ADGRL3: variants seen among roughly 807,000 people sequenced by gnomAD.
ADGRL3 encodes adhesion G protein-coupled receptor L3.
In ADGRL3, 62 loss-of-function variants were observed where a neutral mutation model predicts 153.5. The ratio of observed to expected loss-of-function variants is 0.40; its 90% CI spans 0.33 to 0.50. ADGRL3 has a LOEUF of 0.50. Among genes scored for constraint, ADGRL3 ranks in the 20% least tolerant of loss-of-function variants. The pLI is 0.47. For missense variants in ADGRL3, 1,641 were observed against 1,859.4 expected (o/e 0.88, Z 2.16); for synonymous variants, 710 against 672.5 (o/e 1.06, Z -0.86).
At chr4:61,586,199 GC>G (rs2098945969) in intron 4 of ADGRL3, among the ~76,000 whole-genome samples, 1 of 151,832 alleles carries the variant, frequency 6.6e-6, no homozygotes, top group East Asian at 1.9e-4. Context: ...GAAATGTATT[GC>G]CCTCTTGACT....
chr4:61,588,156 A>G lies in ADGRL3; in HGVS notation c.473+716A>G, dbSNP rs553229644. Among the ~76,000 whole-genome samples, 138 of 151,900 alleles carry G rather than the reference A, an allele frequency of 9.1e-4. 1 individual carries two copies. The highest frequency in any genetic ancestry group is 3.1e-3 in the African/African-American group (128 of 41,554). On this transcript the variant is annotated intron_variant, in intron 5 of 26. Transcript: ENST00000683033. ...TTATATATCTCTTAGATATTTGTTC[A>G]CTATTACTATGCTTTCTCAGAAATC...
intron 8 of ADGRL3, among the ~76,000 whole-genome samples, chr4:61,793,289 C>T (rs538540994): frequency 2.6e-4 from 39 of 152,072 alleles, no homozygotes; most frequent in Non-Finnish European, 4.7e-4. Flanking sequence ...CCAGTTGTGG[C>T]GGCGGGCGCC....
intron 17 of ADGRL3, among the ~76,000 whole-genome samples, chr4:61,965,886 TCTC>T (rs2099004772): frequency 6.6e-6 from 1 of 152,196 alleles, no homozygotes; most frequent in Non-Finnish European, 1.5e-5. Flanking sequence ...AATTTAAAGA[TCTC>T]CTATAGTTAG....
intron 4 of ADGRL3, among the ~76,000 whole-genome samples, chr4:61,543,079 G>A (rs1231588872): frequency 6.6e-6 from 1 of 151,970 alleles, no homozygotes; most frequent in East Asian, 1.9e-4. Context: ...AACTTGTTCA[G>A]TATTTGTTTT....
At chr4:61,986,748 A>T (rs1279029417) in intron 19 of ADGRL3, among the ~76,000 whole-genome samples, 1 of 152,218 alleles carries the variant, frequency 6.6e-6, no homozygotes, top group Non-Finnish European at 1.5e-5. Context: ...GGGGGGCATA[A>T]CACATGTTAG....
intron 2 of ADGRL3, among the ~76,000 whole-genome samples, chr4:61,456,781 C>T (rs1304208042): frequency 6.6e-6 from 1 of 151,622 alleles, no homozygotes; most frequent in Non-Finnish European, 1.5e-5. Context: ...GAAAACACTT[C>T]ATTTGTCAGT....
At chr4:61,286,204 A>T (rs1166005663) in intron 1 of ADGRL3, among the ~76,000 whole-genome samples, 2 of 151,438 alleles carry the variant, frequency 1.3e-5, no homozygotes, top group Non-Finnish European at 3.0e-5. Flanking sequence ...ATTATTTAAA[A>T]CTTGATTTAT....
At chr4:61,235,272 G>GTTTTTTTTTTTTTTTTTTTTTTTTTTTT (rs1266361743) in intron 1 of ADGRL3, among the ~76,000 whole-genome samples, 1 of 152,098 alleles carries the variant, frequency 6.6e-6, no homozygotes, top group African/African-American at 2.4e-5. Context: ...ACTGTCCTAT[G>GTTTTTTTTTTTTTTTTTTTTTTTTTTTT]TTTTTACTCT....
intron 1 of ADGRL3, among the ~76,000 whole-genome samples, chr4:61,336,953 A>T (rs2095690217): frequency 6.6e-6 from 1 of 151,872 alleles, no homozygotes; most frequent in Non-Finnish European, 1.5e-5. Flanking sequence ...TACTTCCATA[A>T]AGCGGTGTTT....
intron 8 of ADGRL3, among the ~76,000 whole-genome samples, chr4:61,768,585 G>A (rs536177952): frequency 7.9e-5 from 12 of 152,122 alleles, no homozygotes; most frequent in South Asian, 4.2e-4. Context: ...TGAAAGTGCC[G>A]TTTTCTGGCT....
At chr4:61,784,600 T>A (rs1159045500) in intron 8 of ADGRL3, among the ~76,000 whole-genome samples, 1 of 152,128 alleles carries the variant, frequency 6.6e-6, no homozygotes, top group East Asian at 1.9e-4. Context: ...GGTACATTAA[T>A]AATAGTAATA....
intron 2 of ADGRL3, among the ~76,000 whole-genome samples, chr4:61,433,765 A>G (rs1215532670): frequency 6.6e-6 from 1 of 152,178 alleles, no homozygotes; most frequent in African/African-American, 2.4e-5. Context: ...CCTAATTGAC[A>G]TATCAGTTGG....
At chr4:61,523,519 G>T (rs1005592548) in intron 4 of ADGRL3, among the ~76,000 whole-genome samples, 1 of 151,998 alleles carries the variant, frequency 6.6e-6, no homozygotes, top group Non-Finnish European at 1.5e-5. Context: ...TGCATAATAC[G>T]TTCTTTGCAC....
chr4:61,547,319 T>C (rs1302991102), intron 4 of ADGRL3, among the ~76,000 whole-genome samples: 2 of 151,930 alleles, frequency 1.3e-5, no homozygotes, highest in Non-Finnish European at 2.9e-5. Flanking sequence ...GTTTGTCATG[T>C]AGGTAAATTG....
chr4:61,299,523 A>G (rs569309333), intron 1 of ADGRL3, among the ~76,000 whole-genome samples: 1 of 152,332 alleles, frequency 6.6e-6, no homozygotes, highest in Admixed American at 6.5e-5. Flanking sequence ...AATTAGAGAC[A>G]TCAATCTATG....
At chr4:61,827,391 C>T (rs936518546) in intron 9 of ADGRL3, among the ~76,000 whole-genome samples, 2 of 151,904 alleles carry the variant, frequency 1.3e-5, no homozygotes, top group South Asian at 2.1e-4. Flanking sequence ...TGATGTGGGG[C>T]GAAGTGGGAA....
chr4:61,815,630 G>C (rs1019405124), intron 9 of ADGRL3, among the ~76,000 whole-genome samples: 2 of 152,224 alleles, frequency 1.3e-5, no homozygotes, highest in African/African-American at 4.8e-5. Context: ...TTGAATGTTT[G>C]TATCCCTGCC....
intron 6 of ADGRL3, among the ~76,000 whole-genome samples, chr4:61,708,400 A>G (rs940802997): frequency 2.6e-5 from 4 of 152,058 alleles, no homozygotes; most frequent in African/African-American, 9.7e-5. Flanking sequence ...TTCTTATTCA[A>G]TATTTAAAAT....
At chr4:61,235,395 T>C (rs1435418874) in intron 1 of ADGRL3, among the ~76,000 whole-genome samples, 1 of 152,232 alleles carries the variant, frequency 6.6e-6, no homozygotes, top group Non-Finnish European at 1.5e-5. Context: ...TCTGGCTATG[T>C]CCTTGATTAT....
Sources: allele counts gnomAD v4.1 joint callset (sites outside exome capture counted in the v4.1 genomes callset), GRCh38; gene constraint gnomAD v4.1.1; transcripts MANE v1.5; gene names NCBI Gene and HGNC (gene_info 2026-07-23, HGNC 2026-07-21).